SMC1A: variants seen among roughly 807,000 people sequenced by gnomAD.
The protein encoded by SMC1A is structural maintenance of chromosomes 1A, also known as structural maintenance of chromosomes protein 1A.
Under a neutral mutation model 94.5 loss-of-function variants are expected in SMC1A, and 4 were observed. That is an observed-to-expected ratio of 0.04 (90% CI 0.02 to 0.10). The LOEUF is 0.10. Among genes scored for constraint, SMC1A ranks in the 10% least tolerant of loss-of-function variants. The probability of loss-of-function intolerance (pLI) is 1.00; values close to 1 mark genes in which losing one functional copy is unlikely to be tolerated. For synonymous variants in SMC1A, 345 were observed against 347.7 expected (o/e 0.99, Z 0.09); for missense variants, 304 against 989.0 (o/e 0.31, Z 9.29).
At chrX:53,381,226 T>A in intron 22 of SMC1A, 139 bp from the exon 23 acceptor site, 1 of 452,547 alleles carries the variant, frequency 2.2e-6, no homozygotes, top group South Asian at 3.4e-5. Flanking sequence ...GGTCTCAAAG[T>A]TGCCTGAGCC....
rs781860125 is a variant in SMC1A at position 53,412,883 on chromosome X, C to T, written c.854+17G>A. On this transcript the variant is annotated intron_variant, in intron 5 of 24. Transcript: ENST00000322213. Reference sequence around the variant, plus strand: ...TCTTGGTTTCCCACAAGTTGCAGGCCCAGGTCTGCCTCTTACTTGATCTCC... The same window carrying T: ...TCTTGGTTTCCCACAAGTTGCAGGCTCAGGTCTGCCTCTTACTTGATCTCC... 33 of 1,209,116 alleles carry T rather than the reference C, an allele frequency of 2.7e-5. No individual in the cohort carries two copies. The Admixed American group carries it at 7.0e-4, about 26-fold the overall frequency.
In SMC1A at chrX:53,419,265, G is replaced by A. The variant is rs184023572; in HGVS notation, c.109+3227C>T. On this transcript the variant is annotated intron_variant, in intron 1 of 24. Coordinates refer to ENST00000322213, the MANE Select transcript of SMC1A (RefSeq NM_006306.4). ...GATTAGGTTGGACACGGCATCTCAC[G>A]CCTGTAATCCCAGCACTCTGGGAAG... Among the ~76,000 whole-genome samples, 224 of 110,052 alleles carry A rather than the reference G, an allele frequency of 2.0e-3. 1 individual carries two copies. The highest frequency in any genetic ancestry group is 0.018 in the Middle Eastern group (4 of 217).
At chrX:53,399,516 C>T in intron 16 of SMC1A, 73 bp downstream of exon 16, 1 of 1,013,271 alleles carries the variant, frequency 9.9e-7, no homozygotes, top group South Asian at 1.9e-5. Flanking sequence ...GGACATTATC[C>T]TTCTGTCTGT....
rs781970764 is a variant in SMC1A, at chrX:53,393,958, A to T, written c.2973+820T>A. On this transcript the variant is annotated intron_variant, in intron 19 of 24. Coordinates refer to ENST00000322213, the MANE Select transcript of SMC1A (RefSeq NM_006306.4). ...GATCACCTGAGGTCAGGAGTTCAAG[A>T]CCAGCCTGACCAACATGGTAGAACC... Among the ~76,000 whole-genome samples the T allele has an allele frequency of 3.6e-3, 389 of 109,187 alleles. 2 individuals are homozygous for T. The highest frequency in any genetic ancestry group is 8.7e-3 in the Admixed American group (88 of 10,069). The allele number at this position is 109,187 out of a possible 115,157, so 94.8% of individuals were successfully genotyped here. A position where few individuals can be genotyped will look rare whatever the true frequency, so the allele number is the denominator to read the frequency against.
chrX:53,396,141 CTCACTGCCCTTCCTGGTCACTT>C, intron 18 of SMC1A, 64 bp downstream of exon 18: 1 of 1,042,544 alleles, frequency 9.6e-7, no homozygotes, highest in South Asian at 1.9e-5. Flanking sequence ...CTTTCTCTCT[CTCACTGCCCTTCCTGGTCACTT>C]TCACTCCCCA....
In SMC1A at chrX:53,413,014, T is replaced by G; in HGVS notation, c.740A>C (p.Lys247Thr). 8.3e-7 allele frequency: 1 copy of G among 1,210,276 alleles called. No individual in the cohort carries two copies. Among genetic ancestry groups the G allele is most frequent in the Non-Finnish European group, 1.1e-6 (1 of 894,092 alleles). Residue 247 changes from lysine (K) to threonine (T), a missense_variant, in exon 5 of 25, where the codon AAG (lysine) becomes ACG (threonine). Physicochemically the swap from Lys to Thr is moderately conservative, Grantham distance 78. Transcript: ENST00000322213. ...KLNKELASKN[K>T]EIEKDKKRMD... ...ACGCTTCTTGTCCTTCTCGATCTCC[T>G]TGTTCTTTGAGGCCAGTTCCTTGTT...
At chrX:53,412,285 G>A in intron 5 of SMC1A, 32 bp from the exon 6 acceptor site, 1 of 1,202,655 alleles carries the variant, frequency 8.3e-7, no homozygotes, top group South Asian at 1.8e-5. Context: ...AAACCAGTGA[G>A]AACTATGGAA....
chrX:53,405,423 G>C, intron 11 of SMC1A, 32 bp from the exon 12 acceptor site: 1 of 1,211,124 alleles, frequency 8.3e-7, no homozygotes, highest in Non-Finnish European at 1.1e-6. Context: ...GAGAAGAGGG[G>C]GAGAAGCTGA....
intron 19 of SMC1A, among the ~76,000 whole-genome samples, chrX:53,393,387 A>G (rs782760969): frequency 2.7e-5 from 3 of 111,573 alleles, no homozygotes; most frequent in African/African-American, 6.5e-5. Context: ...ATTTTAACAT[A>G]TGGACCTTAC....
chrX:53,406,675 G>A (rs1008736142), intron 9 of SMC1A, among the ~76,000 whole-genome samples: 2 of 111,512 alleles, frequency 1.8e-5, no homozygotes, highest in African/African-American at 6.5e-5. Context: ...ATGACTCAGT[G>A]GGATTCTAGT....
intron 5 of SMC1A, 123 bp downstream of exon 5, chrX:53,412,777 A>C: frequency 9.3e-7 from 1 of 1,080,650 alleles, no homozygotes; most frequent in Non-Finnish European, 1.3e-6. Context: ...GTTCTTACAA[A>C]AGCAAGTTAG....
At chrX:53,411,154 C>A (rs1272477071) in intron 7 of SMC1A, among the ~76,000 whole-genome samples, 3 of 109,684 alleles carry the variant, frequency 2.7e-5, no homozygotes, top group Non-Finnish European at 5.7e-5. Context: ...TTTCCTCATT[C>A]ATAAAATAGG....
At chrX:53,404,278 T>TA (rs1206405189) in intron 13 of SMC1A, among the ~76,000 whole-genome samples, 20 of 109,205 alleles carry the variant, frequency 1.8e-4, no homozygotes, top group Admixed American at 5.9e-4. Flanking sequence ...AAGTAGTCAG[T>TA]AAAAAAAACA....
In SMC1A at chrX:53,422,047, C is replaced by A. The variant is rs1448024517; in HGVS notation, c.109+445G>T. 3.3e-6 allele frequency: 4 copies of A among 1,205,394 alleles called. No homozygotes were observed. The African/African-American group carries it at 5.3e-5, about 16-fold the overall frequency. On this transcript the variant is annotated intron_variant, in intron 1 of 24. Coordinates refer to ENST00000322213, the MANE Select transcript of SMC1A (RefSeq NM_006306.4). ...GGCGAGAGAGGACGCTGGGCTGAAA[C>A]AGAAGTGCACCGTTTGGGACCGAAG...
chrX:53,400,930 A>G (rs945137813), intron 15 of SMC1A, among the ~76,000 whole-genome samples: 2 of 111,599 alleles, frequency 1.8e-5, no homozygotes, highest in Non-Finnish European at 3.8e-5. Flanking sequence ...GGCCTCTGTG[A>G]TCCGGCCCCT....
intron 7 of SMC1A, among the ~76,000 whole-genome samples, chrX:53,409,776 C>A (rs1407759373): frequency 8.9e-6 from 1 of 111,889 alleles, no homozygotes; most frequent in Non-Finnish European, 1.9e-5. Flanking sequence ...AGGCTCAAAT[C>A]AAGATAAAGC....
At chrX:53,401,833 A>C (rs1404085068) in intron 15 of SMC1A, among the ~76,000 whole-genome samples, 1 of 110,856 alleles carries the variant, frequency 9.0e-6, no homozygotes, top group African/African-American at 3.3e-5. Flanking sequence ...TCTGATTAAG[A>C]GGTTAGACCT....
intron 19 of SMC1A, among the ~76,000 whole-genome samples, chrX:53,393,834 T>C (rs1285909096): frequency 9.0e-6 from 1 of 110,856 alleles, no homozygotes; most frequent in East Asian, 2.8e-4. Context: ...TGGCCTGCAT[T>C]AGACAGTGGA....
At chrX:53,404,498 C>T (rs1385695552) in intron 13 of SMC1A, among the ~76,000 whole-genome samples, 3 of 110,913 alleles carry the variant, frequency 2.7e-5, no homozygotes, top group Non-Finnish European at 5.7e-5. Flanking sequence ...AAGTAGGTAT[C>T]ATTTATTTAT....
Sources: gnomAD v4.1 joint callset for allele counts (sites outside exome capture counted in the v4.1 genomes callset) on GRCh38, gnomAD v4.1.1 for gene constraint, MANE v1.5 for transcripts, NCBI Gene and HGNC (gene_info 2026-07-23, HGNC 2026-07-21) for gene names.